The following SHROOM3 variants were observed in gnomAD, a reference collection of about 807,000 sequenced individuals.
SHROOM3 encodes shroom family member 3.
In SHROOM3, 47 loss-of-function variants were observed where a neutral mutation model predicts 138.6. That is an observed-to-expected ratio of 0.34 (90% CI 0.27 to 0.43). The LOEUF is 0.43. SHROOM3 is among the 20% of genes least tolerant of loss of function. SHROOM3 has a pLI of 1.00. For missense variants in SHROOM3, 2,491 were observed against 2,596.5 expected, an observed-to-expected ratio of 0.96 and a Z score of 0.88; for synonymous variants, 1,062 against 1,063.3, an observed-to-expected ratio of 1.00 and a Z score of 0.02.
intron 10 of SHROOM3, among the ~76,000 whole-genome samples, chr4:76,771,596 G>A (rs574023316): frequency 2.0e-5 from 3 of 152,292 alleles, no homozygotes; most frequent in South Asian, 4.1e-4. Context: ...CAGTGAGGAC[G>A]CACCAGGGTG....
At chr4:76,624,837 G>A (rs9307151) in intron 2 of SHROOM3, among the ~76,000 whole-genome samples, 55,364 of 152,000 alleles carry the variant, frequency 0.36, 10,664 homozygotes, top group East Asian at 0.51. Context: ...GACTTGCTAT[G>A]TTTACAAAAT....
rs368623894 is a variant in SHROOM3, at chr4:76,591,555, C to T, written c.323+35792C>T. On this transcript the variant is annotated intron_variant, in intron 2 of 10. Transcript: ENST00000296043. ...CTGAATATGCAACACACTTGGAATACTTCTTTATATTCTTGATTGGTAGTG... is the reference window on the plus strand; with the variant it reads ...CTGAATATGCAACACACTTGGAATATTTCTTTATATTCTTGATTGGTAGTG... 9.2e-5 allele frequency among the ~76,000 whole-genome samples: 14 copies of T among 151,488 alleles called. No individual in the cohort carries two copies. The South Asian group carries it at 2.8e-3, about 30-fold the overall frequency.
intron 2 of SHROOM3, among the ~76,000 whole-genome samples, chr4:76,597,539 A>C (rs959077536): frequency 2.6e-5 from 4 of 152,124 alleles, no homozygotes; most frequent in African/African-American, 9.7e-5. Context: ...CCACGCACCC[A>C]CCCTCCAGCT....
At chr4:76,527,272 A>C (rs548466402) in intron 1 of SHROOM3, among the ~76,000 whole-genome samples, 1 of 152,292 alleles carries the variant, frequency 6.6e-6, no homozygotes, top group East Asian at 1.9e-4. Context: ...GTTCTTCCTC[A>C]GTGAATAACC....
rs1029645293 is a variant in SHROOM3 at position 76,781,885 on chromosome 4, G to T, written c.*2708G>T. On this transcript the variant is annotated 3_prime_UTR_variant, in exon 11 of 11. Transcript: ENST00000296043. ...GTCAGGGTTTCAGAATACGCGTGAT[G>T]TCACTGAGAATGTTTGCTCACAGTC... 6.6e-6 allele frequency: 1 copy of T among 152,238 alleles called. No individual in the cohort carries two copies. The highest frequency in any genetic ancestry group is 1.5e-5 in the Non-Finnish European group (1 of 68,046). 9.4% of individuals were successfully genotyped at this position (152,238 alleles called of 1,614,324 possible). A position where few individuals can be genotyped will look rare whatever the true frequency, so the allele number is the denominator to read the frequency against.
chr4:76,600,019 C>T (rs1311261755), intron 2 of SHROOM3, among the ~76,000 whole-genome samples: 1 of 151,934 alleles, frequency 6.6e-6, no homozygotes, highest in Non-Finnish European at 1.5e-5. Flanking sequence ...GGTGTGGTGG[C>T]ACAAGCCTGT....
At chr4:76,545,752 C>T (rs907699106) in intron 1 of SHROOM3, among the ~76,000 whole-genome samples, 2 of 152,214 alleles carry the variant, frequency 1.3e-5, no homozygotes, top group Non-Finnish European at 2.9e-5. Flanking sequence ...TTCATGCAAT[C>T]CTTACACCAA....
chr4:76,499,804 A>T (rs7671473), intron 1 of SHROOM3, among the ~76,000 whole-genome samples: 4 of 152,338 alleles, frequency 2.6e-5, no homozygotes, highest in African/African-American at 9.6e-5. Context: ...ATTGAGGGAC[A>T]TTCTTATTGA....
chr4:76,596,161 C>A (rs1734379419), intron 2 of SHROOM3, among the ~76,000 whole-genome samples: 2 of 152,124 alleles, frequency 1.3e-5, no homozygotes, highest in Non-Finnish European at 2.9e-5. Context: ...ATGGAGCATA[C>A]ACAGAAGTGA....
At chr4:76,523,813 A>C (rs1732619398) in intron 1 of SHROOM3, among the ~76,000 whole-genome samples, 1 of 152,218 alleles carries the variant, frequency 6.6e-6, no homozygotes, top group Non-Finnish European at 1.5e-5. Context: ...GCAGGGATGC[A>C]GGTGCATCTG....
chr4:76,675,228 C>G (rs185607503), intron 2 of SHROOM3, among the ~76,000 whole-genome samples: 10 of 152,098 alleles, frequency 6.6e-5, no homozygotes, highest in African/African-American at 2.2e-4. Context: ...GTATTAGCAC[C>G]GGTGAAAACA....
chr4:76,739,633 G>C lies in SHROOM3; in HGVS notation c.1460G>C (p.Ser487Thr). The C allele has an allele frequency of 6.2e-7, 1 of 1,614,170 alleles. No homozygotes were observed. The highest frequency in any genetic ancestry group is 1.1e-5 in the South Asian group (1 of 91,076). Residue 487 changes from serine to threonine, a missense_variant, in exon 5 of 11, where the codon AGC becomes ACC. Around this residue, in one of 4 missense-constraint regions of SHROOM3, gnomAD observed 1,733 missense variants for 1,661.6 expected, o/e 1.04. Transcript: ENST00000296043. The part of the protein sequence containing the change: ...FAQVPQPSVS[S>T]NGMLYPALAK... ...CAGGTGCCTCAGCCTTCTGTGAGTA[G>C]CAACGGTATGCTCTACCCTGCACTG...
chr4:76,747,993 CA>C (rs201577270), intron 5 of SHROOM3, among the ~76,000 whole-genome samples: 1 of 150,874 alleles, frequency 6.6e-6, no homozygotes. Flanking sequence ...GATTAAGTTA[CA>C]AAAAAAAAGT....
At chr4:76,528,602 A>G (rs1206199251) in intron 1 of SHROOM3, among the ~76,000 whole-genome samples, 2 of 135,804 alleles carry the variant, frequency 1.5e-5, no homozygotes, top group African/African-American at 5.8e-5. Context: ...CTGGAGTGCA[A>G]TGGCACAATC....
intron 5 of SHROOM3, among the ~76,000 whole-genome samples, chr4:76,746,661 AC>A (rs1347384365): frequency 6.6e-6 from 1 of 152,132 alleles, no homozygotes; most frequent in Non-Finnish European, 1.5e-5. Flanking sequence ...TTTAGTAGTT[AC>A]TTGAAATATT....
chr4:76,766,874 G>T (rs1722173400), intron 9 of SHROOM3, among the ~76,000 whole-genome samples: 1 of 152,150 alleles, frequency 6.6e-6, no homozygotes, highest in Non-Finnish European at 1.5e-5. Context: ...TAGCATCTGT[G>T]GCTGAGCCAT....
chr4:76,511,865 C>A (rs1198698904), intron 1 of SHROOM3, among the ~76,000 whole-genome samples: 2 of 152,076 alleles, frequency 1.3e-5, no homozygotes, highest in African/African-American at 4.8e-5. Context: ...GGGAGACAGA[C>A]CATGAAGTGA....
intron 1 of SHROOM3, among the ~76,000 whole-genome samples, chr4:76,456,973 A>C (rs193196499): frequency 8.5e-5 from 13 of 152,200 alleles, no homozygotes; most frequent in Non-Finnish European, 2.9e-5. Flanking sequence ...TACAAAGTAC[A>C]TTGATCAGTT....
intron 5 of SHROOM3, among the ~76,000 whole-genome samples, chr4:76,743,752 C>T (rs944063871): frequency 9.2e-5 from 14 of 152,172 alleles, no homozygotes; most frequent in African/African-American, 3.1e-4. Context: ...TATAAATCCC[C>T]GACAAATATA....
Sources: gnomAD v4.1 joint callset for allele counts (sites outside exome capture counted in the v4.1 genomes callset) on GRCh38, gnomAD v4.1.1 for gene constraint, gnomAD v4.1.1 regional missense constraint, MANE v1.5 for transcripts, NCBI Gene and HGNC (gene_info 2026-07-23, HGNC 2026-07-21) for gene names.